The following ZNF226 variants were observed in gnomAD, a reference collection of about 807,000 sequenced individuals.
ZNF226 encodes zinc finger protein 226.
ZNF226 carries 6 observed loss-of-function variants against 11.4 expected under a neutral mutation model. The observed-to-expected ratio is 0.53, with a 90% CI of 0.29 to 1.04. The LOEUF (loss-of-function observed/expected upper bound fraction) is 1.04. ZNF226 is among the 50% of genes least tolerant of loss of function. The pLI is 0.08. For missense variants in ZNF226, 1,058 were observed against 956.5 expected (o/e 1.11, Z -1.40); for synonymous variants, 350 against 322.8 (o/e 1.08, Z -0.90).
the ZNF226 span, among the ~76,000 whole-genome samples, chr19:44,192,599 A>T: frequency 4.6e-5 from 7 of 152,230 alleles, no homozygotes; most frequent in Admixed American, 4.6e-4. Flanking sequence ...GTGCAATGAG[A>T]TACAGCAAAG....
chr19:44,172,585 C>T (rs2122397969), intron 4 of ZNF226: 2 of 456,172 alleles, frequency 4.4e-6, no homozygotes, highest in South Asian at 6.8e-5. Flanking sequence ...AAAACTCTGG[C>T]CAATTGCTTG....
chr19:44,172,183 G>A lies in ZNF226; in HGVS notation c.111G>A (p.Met37Ile). 3 of 1,612,602 alleles carry A rather than the reference G, an allele frequency of 1.9e-6. No homozygotes were observed. The highest frequency in any genetic ancestry group is 8.5e-7 in the Non-Finnish European group (1 of 1,179,082). The change falls in exon 4 of 6, where the codon ATG becomes ATA. Residue 37 changes from methionine (M) to isoleucine (I), a missense_variant. By Grantham distance (10) the Met-to-Ile change is conservative (BLOSUM62 1). Coordinates refer to ENST00000337433, the MANE Select transcript of ZNF226 (RefSeq NM_001032373.2). ...PAQRKLYRDV[M>I]VENFRNLLSV... is the part of the protein sequence containing the mutation. ...AGAGGAAGCTGTACCGAGATGTGAT[G>A]GTGGAGAACTTTAGGAACCTGCTGT...
chr19:44,175,509 C>G lies in ZNF226; in HGVS notation c.247C>G (p.Gln83Glu). Residue 83 changes from glutamine to glutamate, a missense_variant, in exon 6 of 6, where the codon CAA becomes GAA. By Grantham distance (29) the Gln-to-Glu change is conservative. Transcript: ENST00000337433. Reference sequence around the variant, plus strand: ...CTTTGTCCTTACAGGAGAGAAAAATCAAAGTAAGTTAATTACTGTTCAAGA... The same window carrying G: ...CTTTGTCCTTACAGGAGAGAAAAATGAAAGTAAGTTAATTACTGTTCAAGA... Reference protein sequence around the residue: ...RRQGNLGEKNQSKLITVQDRE... With the variant: ...RRQGNLGEKNESKLITVQDRE... 6.3e-7 allele frequency: 1 copy of G among 1,582,758 alleles called. No individual in the cohort carries two copies. Among genetic ancestry groups the G allele is most frequent in the Non-Finnish European group, 8.6e-7 (1 of 1,168,796 alleles).
Position 44,175,625 on chromosome 19 carries a change from T to G in ZNF226, c.363T>G (p.Asn121Lys), listed in dbSNP as rs766930168. 1 of 1,613,792 alleles carries G rather than the reference T, an allele frequency of 6.2e-7. No individual in the cohort carries two copies. Among genetic ancestry groups the G allele is most frequent in the African/African-American group, 1.3e-5 (1 of 74,942 alleles). The change falls in exon 6 of 6, where the codon AAT becomes AAG. Residue 121 changes from asparagine to lysine, a missense_variant. Physicochemically the swap from Asn to Lys is moderately conservative, Grantham distance 94. Coordinates refer to ENST00000337433, the MANE Select transcript of ZNF226 (RefSeq NM_001032373.2). ...LTRCQDSMIN[N>K]SQCHKQGDFP... ...GGTGTCAAGACTCCATGATCAATAA[T>G]TCTCAGTGTCACAAACAAGGTGATT...
chr19:44,196,179 C>A, the ZNF226 span, among the ~76,000 whole-genome samples: 1 of 152,128 alleles, frequency 6.6e-6, no homozygotes, highest in South Asian at 2.1e-4. Context: ...TTTTAATGAG[C>A]AGAATATAAA....
intron 3 of ZNF226, 45 bp from the exon 4 acceptor site, chr19:44,172,043 A>C: frequency 6.3e-7 from 1 of 1,596,890 alleles, no homozygotes; most frequent in Non-Finnish European, 8.6e-7. Context: ...CCCATCTTCT[A>C]GTGGACATTG....
In ZNF226 at chr19:44,175,014, A is replaced by G. The variant is rs186211688; in HGVS notation, c.236-484A>G. 1.2e-3 allele frequency: 1,923 copies of G among 1,611,626 alleles called. 27 individuals carry two copies. The Admixed American group carries it at 0.021, about 18-fold the overall frequency. On this transcript the variant is annotated intron_variant, in intron 5 of 5. Coordinates refer to ENST00000337433, the MANE Select transcript of ZNF226 (RefSeq NM_001032373.2). ...TTACTTGTAAAAGCTCTTTTGCTCT[A>G]TGACCTGGCTCAAACTTAAACTTGG...
intron 2 of ZNF226, among the ~76,000 whole-genome samples, chr19:44,169,804 C>A (rs576485649): frequency 1.3e-5 from 2 of 152,134 alleles, no homozygotes; most frequent in Non-Finnish European, 2.9e-5. Flanking sequence ...GAATTACTGG[C>A]GTGCAATTAC....
At chr19:44,199,469 A>G in the ZNF226 span, among the ~76,000 whole-genome samples, 1 of 151,918 alleles carries the variant, frequency 6.6e-6, no homozygotes, top group Non-Finnish European at 1.5e-5. Context: ...CATTTCCCCT[A>G]ATAAAATTCT....
Position 44,172,940 on chromosome 19 carries a change from C to G in ZNF226, c.223C>G (p.Gln75Glu). 6.3e-7 allele frequency: 1 copy of G among 1,599,256 alleles called. No homozygotes were observed. Among genetic ancestry groups the G allele is most frequent in the Non-Finnish European group, 8.5e-7 (1 of 1,172,640 alleles). The change falls in exon 5 of 6, where the codon CAG becomes GAG. Residue 75 changes from glutamine (Q) to glutamate (E), a missense_variant. Transcript: ENST00000337433. ...GATAATGACGACAGCAACCCGAAGA[C>G]AGGGAAATTTAGGTAAAAACCAAAC... ...LWIMTTATRR[Q>E]GNLGEKNQSK...
chr19:44,197,759 G>C, the ZNF226 span, among the ~76,000 whole-genome samples: 1 of 152,074 alleles, frequency 6.6e-6, no homozygotes, highest in Non-Finnish European at 1.5e-5. Context: ...TTTATATTCT[G>C]CTTACAAGCC....
At chr19:44,190,074 A>G in the ZNF226 span, among the ~76,000 whole-genome samples, 1 of 152,324 alleles carries the variant, frequency 6.6e-6, no homozygotes, top group Admixed American at 6.5e-5. Context: ...AATGCACAGA[A>G]CTACAATCTA....
chr19:44,178,200 GTCC>G (rs1970849195), downstream of ZNF226: 1 of 154,882 alleles, frequency 6.5e-6, no homozygotes, highest in Non-Finnish European at 1.4e-5. Flanking sequence ...ATTAGATCCT[GTCC>G]TCCTTTAGCC....
chr19:44,189,645 T>G, the ZNF226 span, among the ~76,000 whole-genome samples: 1 of 152,242 alleles, frequency 6.6e-6, no homozygotes, highest in Non-Finnish European at 1.5e-5. Context: ...TTTTGTCAAG[T>G]TGTCCACATA....
In ZNF226 at chr19:44,175,829, A is replaced by G. The variant is rs779949787; in HGVS notation, c.567A>G (p.Gln189=). The change falls in exon 6 of 6, where the codon CAA becomes CAG. Residue 189 remains glutamine, a synonymous_variant. Transcript: ENST00000337433. ...TESQRLNRDQ[Q]ISIKNKLCQC... ...CACAGAGATTGAACAGAGATCAGCA[A>G]ATTTCCATAAAAAATAAATTATGTC... is the stretch of plus-strand genomic sequence containing the variant. The G allele has an allele frequency of 1.9e-5, 31 of 1,613,498 alleles. No individual in the cohort carries two copies. The highest frequency in any genetic ancestry group is 5.3e-5 in the African/African-American group (4 of 74,910).
rs747582087 is a variant in ZNF226 at position 44,176,750 on chromosome 19, C to G, written c.1488C>G (p.Val496=). The stretch of plus-strand genomic sequence containing the variant: ...CAAATCTTCAAGCCCATCAGAGAGT[C>G]CACACTGGAGAGAAGCCATACAAAT... ...LSSNLQAHQR[V]HTGEKPYKCN... The change falls in exon 6 of 6, where the codon GTC becomes GTG. Residue 496 remains valine (V), a synonymous_variant. Coordinates refer to ENST00000337433, the MANE Select transcript of ZNF226 (RefSeq NM_001032373.2). 1.1e-5 allele frequency: 18 copies of G among 1,613,984 alleles called. No homozygotes were observed. The highest frequency in any genetic ancestry group is 1.1e-4 in the East Asian group (5 of 44,870).
Position 44,172,772 on chromosome 19 carries a change from G to A in ZNF226, c.143-88G>A, listed in dbSNP as rs1196417776. On this transcript the variant is annotated intron_variant, in intron 4 of 5. Transcript: ENST00000337433. ...AAGTTTGAAAAACACTGCTTTCAGT[G>A]TCTTGAATGTGCAGTTGCAACTCAG... 5 of 1,042,884 alleles carry A rather than the reference G, an allele frequency of 4.8e-6. No homozygotes were observed. In the Admixed American group the frequency reaches 7.6e-5, roughly 16 times the overall value. The allele number at this position is 1,042,884 out of a possible 1,614,324, so 64.6% of individuals were successfully genotyped here.
chr19:44,187,640 C>G, the ZNF226 span, among the ~76,000 whole-genome samples: 1 of 151,892 alleles, frequency 6.6e-6, no homozygotes, highest in East Asian at 1.9e-4. This position sits in a 1 kb window ranked among gnomAD's most constrained non-coding sequence, Gnocchi z 4.0. Context: ...CTACTCTAAT[C>G]TTTACTATTT....
intron 2 of ZNF226, among the ~76,000 whole-genome samples, chr19:44,168,997 C>A (rs1356593743): frequency 8.0e-6 from 1 of 125,318 alleles, no homozygotes; most frequent in Non-Finnish European, 1.6e-5. Context: ...CCTCCCTTTT[C>A]CTTTTTTTTT....
Sources: gnomAD v4.1 joint callset for allele counts (sites outside exome capture counted in the v4.1 genomes callset) on GRCh38, gnomAD v4.1.1 for gene constraint, Gnocchi (gnomAD v3.1) non-coding constraint, MANE v1.5 for transcripts, NCBI Gene and HGNC (gene_info 2026-07-23, HGNC 2026-07-21) for gene names.